Variants in PIWIL4 observed in about 807,000 individuals in gnomAD.
The protein encoded by PIWIL4 is piwi like RNA-mediated gene silencing 4.
Under a neutral mutation model 100.9 loss-of-function variants are expected in PIWIL4, and 50 were observed. The observed-to-expected ratio is 0.50, with a 90% CI of 0.39 to 0.63. The LOEUF (loss-of-function observed/expected upper bound fraction) is 0.63, where lower values mean the gene tolerates loss of function less well. Ranked by LOEUF, PIWIL4 falls within the 20% of genes least tolerant of loss-of-function variation. The pLI is 0.00. For synonymous variants in PIWIL4, 342 were observed against 367.5 expected, an observed-to-expected ratio of 0.93 and a Z score of 0.79; for missense variants, 887 against 1,043.3, an observed-to-expected ratio of 0.85 and a Z score of 2.06.
At chr11:94,569,077 TA>T (rs1948112712) in intron 2 of PIWIL4, among the ~76,000 whole-genome samples, 1 of 152,210 alleles carries the variant, frequency 6.6e-6, no homozygotes, top group South Asian at 2.1e-4. Flanking sequence ...AAAAATGCTT[TA>T]AAAATCTTTA....
chr11:94,615,786 C>T (rs538783), intron 15 of PIWIL4, among the ~76,000 whole-genome samples: 93,730 of 151,944 alleles, frequency 0.62, 29,392 homozygotes, highest in African/African-American at 0.75. Context: ...TATAGGCACG[C>T]GCCACCACAT....
intron 6 of PIWIL4, 78 bp from the exon 7 acceptor site, chr11:94,586,972 A>G: frequency 7.9e-7 from 1 of 1,265,954 alleles, no homozygotes; most frequent in Non-Finnish European, 1.1e-6. Flanking sequence ...TAGAACAGAA[A>G]ATCACCATTT....
In PIWIL4 at chr11:94,583,481, G is replaced by A. The variant is rs760138138; in HGVS notation, c.547G>A (p.Glu183Lys). Residue 183 changes from glutamate (E) to lysine (K), a missense_variant, in exon 5 of 20, where the codon GAG (glutamate) becomes AAG (lysine). Transcript: ENST00000299001. The part of the protein sequence containing the change: ...TELSSETQRG[E>K]TIKMTITLKR... ...GTTGTCAAGTGAAACTCAAAGAGGT[G>A]AGACTATAAAGATGACTATCACCCT... The A allele has an allele frequency of 6.2e-7, 1 of 1,613,842 alleles. No homozygotes were observed. Among genetic ancestry groups the A allele is most frequent in the Non-Finnish European group, 8.5e-7 (1 of 1,179,750 alleles).
At chr11:94,576,184 G>C (rs755948493) in intron 3 of PIWIL4, among the ~76,000 whole-genome samples, 2 of 152,280 alleles carry the variant, frequency 1.3e-5, no homozygotes, top group East Asian at 3.9e-4. Context: ...GCCCAGGCTG[G>C]AGTGTAATGG....
chr11:94,595,338 C>T lies in PIWIL4; in HGVS notation c.1180C>T (p.Gln394Ter). ...GACTGACCAGGCAACATCTGATTTCCAGCTGATGAAGGCTGTGGCTGAAAA... is the reference window on the plus strand; with the variant it reads ...GACTGACCAGGCAACATCTGATTTCTAGCTGATGAAGGCTGTGGCTGAAAA... ...GLTDQATSDFQLMKAVAEKTR... is the reference protein window; with the variant it reads ...GLTDQATSDF The change falls in exon 10 of 20, where the codon CAG (glutamine) becomes TAG (stop). Residue 394 changes from glutamine to a stop codon, truncating the protein, a stop_gained. Transcript: ENST00000299001. LOFTEE classifies it high-confidence loss of function. 6.2e-7 allele frequency: 1 copy of T among 1,613,924 alleles called. No homozygotes were observed. The highest frequency in any genetic ancestry group is 8.5e-7 in the Non-Finnish European group (1 of 1,179,834).
rs12295623 is a variant in PIWIL4 at position 94,579,538 on chromosome 11, C to T, written c.513+2046C>T. Among the ~76,000 whole-genome samples, 461 of 152,192 alleles carry T rather than the reference C, an allele frequency of 3.0e-3. 3 individuals are homozygous for T. The highest frequency in any genetic ancestry group is 9.8e-3 in the African/African-American group (405 of 41,530). ...GCTGTTTGTTTGCAGAGTATGGTAC[C>T]AATAGCTTAGATTTAAATTTTTAGA... On this transcript the variant is annotated intron_variant, in intron 4 of 19. Transcript: ENST00000299001.
intron 14 of PIWIL4, chr11:94,608,179 A>G (rs375875246): frequency 6.9e-4 from 126 of 181,938 alleles, no homozygotes; most frequent in African/African-American, 2.9e-3. Flanking sequence ...CCCACTCCCC[A>G]CAAAGGTGCA....
intron 9 of PIWIL4, 46 bp downstream of exon 9, chr11:94,593,687 C>T: frequency 1.3e-6 from 2 of 1,596,844 alleles, no homozygotes; most frequent in East Asian, 4.5e-5. Flanking sequence ...GGATACAGGC[C>T]CCTGATGCTT....
intron 15 of PIWIL4, among the ~76,000 whole-genome samples, chr11:94,610,959 T>C (rs887192687): frequency 5.3e-5 from 8 of 152,198 alleles, no homozygotes; most frequent in Non-Finnish European, 1.2e-4. Flanking sequence ...TTGTATATGG[T>C]ATAAGGGTCC....
At chr11:94,571,429 TG>T (rs1297310141) in intron 2 of PIWIL4, among the ~76,000 whole-genome samples, 1 of 152,128 alleles carries the variant, frequency 6.6e-6, no homozygotes, top group Non-Finnish European at 1.5e-5. Flanking sequence ...ATACTATCCC[TG>T]CCCCCTTCAC....
At chr11:94,618,456 G>A (rs559638483) in intron 17 of PIWIL4, among the ~76,000 whole-genome samples, 2 of 152,258 alleles carry the variant, frequency 1.3e-5, no homozygotes, top group East Asian at 1.9e-4. Context: ...AAAACAAACC[G>A]TGATTTCAAA....
intron 8 of PIWIL4, 152 bp from the exon 9 acceptor site, chr11:94,593,366 G>A: frequency 3.2e-6 from 2 of 625,562 alleles, no homozygotes; most frequent in African/African-American, 1.8e-5. Flanking sequence ...TAAAAGATAG[G>A]TCCTGGGAAG....
intron 4 of PIWIL4, 30 bp downstream of exon 4, chr11:94,577,522 A>T (rs771970986): frequency 1.9e-6 from 3 of 1,548,908 alleles, no homozygotes; most frequent in Non-Finnish European, 2.6e-6. Flanking sequence ...TTTACTGTAT[A>T]TGTGGGTGTG....
chr11:94,577,480 G>C lies in PIWIL4; in HGVS notation c.501G>C (p.Lys167Asn). 1 of 1,612,918 alleles carries C rather than the reference G, an allele frequency of 6.2e-7. No individual in the cohort carries two copies. Among genetic ancestry groups the C allele is most frequent in the Non-Finnish European group, 8.5e-7 (1 of 1,179,412 alleles). The change falls in exon 4 of 20, where the codon AAG becomes AAC. Residue 167 changes from lysine (K) to asparagine (N), a missense_variant. Transcript: ENST00000299001. ...FDGAILFLSQ[K>N]LEEKVTELSS... ...GTGCCATCCTTTTTCTGTCACAAAA[G>C]CTAGAAGAAAAGGTATAGTATGATT...
At chr11:94,589,268 C>G (rs368947488) in intron 8 of PIWIL4, 36 bp downstream of exon 8, 5 of 1,513,080 alleles carry the variant, frequency 3.3e-6, no homozygotes, top group Non-Finnish European at 4.6e-6. Context: ...ATCTCCTTTT[C>G]TTTTACCTCA....
At chr11:94,610,195 C>A (rs1948772757) in intron 15 of PIWIL4, among the ~76,000 whole-genome samples, 1 of 150,914 alleles carries the variant, frequency 6.6e-6, no homozygotes, top group African/African-American at 2.4e-5. Context: ...TTGCAAATGG[C>A]AGGATTTTCT....
At position 94,567,526 on chromosome 11, in the gene PIWIL4, G is replaced by A. The variant is rs1210237292; in HGVS notation, c.8G>A (p.Gly3Glu). The A allele has an allele frequency of 5.6e-6, 9 of 1,598,834 alleles. No homozygotes were observed. The highest frequency in any genetic ancestry group is 1.1e-5 in the South Asian group (1 of 88,114). The change falls in exon 1 of 20, where the codon GGA (glycine) becomes GAA (glutamate). Residue 3 changes from glycine to glutamate, a missense_variant. By Grantham distance (98) the Gly-to-Glu change is moderately conservative. This residue lies in a region of PIWIL4 where 146 missense variants were observed against 113.4 expected (regional missense o/e 1.29). Coordinates refer to ENST00000299001, the MANE Select transcript of PIWIL4 (RefSeq NM_152431.3). ...TCTGGGCTCACCGGGAACATGAGTG[G>A]AAGAGCCCGAGTGAAGGCCAGAGGC... is the stretch of plus-strand genomic sequence containing the variant. MS[G>E]RARVKARGIA...
chr11:94,584,925 G>A (rs559952365), intron 5 of PIWIL4, among the ~76,000 whole-genome samples: 4 of 152,328 alleles, frequency 2.6e-5, no homozygotes, highest in South Asian at 4.1e-4. Context: ...TTAGCCGGGC[G>A]TGGTGGCGCT....
intron 6 of PIWIL4, among the ~76,000 whole-genome samples, chr11:94,586,086 G>T (rs1032717946): frequency 2.0e-5 from 3 of 151,996 alleles, no homozygotes; most frequent in East Asian, 3.9e-4. Flanking sequence ...GATTCATAAA[G>T]GGAGAAGTGC....
Sources: gnomAD v4.1 joint callset for allele counts (sites outside exome capture counted in the v4.1 genomes callset) on GRCh38, gnomAD v4.1.1 for gene constraint, gnomAD v4.1.1 regional missense constraint, MANE v1.5 for transcripts, NCBI Gene and HGNC (gene_info 2026-07-23, HGNC 2026-07-21) for gene names.